Variants in KANTR observed in about 807,000 individuals in gnomAD.
KANTR encodes KDM5C adjacent transcript.
chrX:53,114,801 G>T (rs1933098123), intron 2 of KANTR, among the ~76,000 whole-genome samples: 1 of 111,845 alleles, frequency 8.9e-6, no homozygotes, highest in Admixed American at 9.4e-5. Context: ...ATGGGGGCTG[G>T]CCTGGATCCT....
downstream of KANTR, among the ~76,000 whole-genome samples, chrX:53,146,854 A>T (rs1933583890): frequency 8.9e-6 from 1 of 111,861 alleles, no homozygotes; most frequent in African/African-American, 3.3e-5. Context: ...AGAATTTCAT[A>T]TTCAGCCAAA....
intron 2 of KANTR, among the ~76,000 whole-genome samples, chrX:53,105,641 C>T (rs1462113297): frequency 4.2e-5 from 4 of 94,678 alleles, no homozygotes; most frequent in Non-Finnish European, 6.3e-5. Context: ...AGGCACACAA[C>T]GACACACCTG....
chrX:53,111,795 C>T (rs782463786), intron 2 of KANTR, among the ~76,000 whole-genome samples: 2 of 110,883 alleles, frequency 1.8e-5, no homozygotes, highest in South Asian at 3.8e-4. Context: ...AACTAAAAAC[C>T]GTGGCTTCAG....
downstream of KANTR, among the ~76,000 whole-genome samples, chrX:53,144,953 A>G (rs1933552903): frequency 9.0e-6 from 1 of 111,194 alleles, no homozygotes; most frequent in Non-Finnish European, 1.9e-5. Flanking sequence ...TTTAATCCAT[A>G]TTGTACAGTA....
exon 3 of KANTR, chrX:53,124,560 A>ATT (rs1933269355): frequency 3.4e-6 from 1 of 295,247 alleles, no homozygotes; most frequent in Non-Finnish European, 5.9e-6. Flanking sequence ...TAATTTGTGC[A>ATT]TTTAAGGATA....
chrX:53,119,470 C>T (rs1246886619), intron 2 of KANTR, among the ~76,000 whole-genome samples: 1 of 111,428 alleles, frequency 9.0e-6, no homozygotes, highest in African/African-American at 3.3e-5. Context: ...GAGCTGGTTT[C>T]ATTATTTTCC....
At chrX:53,105,993 G>T (rs1385568409) in intron 2 of KANTR, among the ~76,000 whole-genome samples, 1 of 104,525 alleles carries the variant, frequency 9.6e-6, no homozygotes, top group African/African-American at 3.6e-5. Flanking sequence ...AAGTAGCTGG[G>T]ACTACAGGCG....
At chrX:53,124,066 T>TTGTG in exon 3 of KANTR, 2 of 251,591 alleles carry the variant, frequency 7.9e-6, no homozygotes, top group Non-Finnish European at 7.0e-6. Flanking sequence ...CTGCTATTTT[T>TTGTG]TGTTTGTTTG....
At chrX:53,110,649 G>A (rs1348531822) in intron 2 of KANTR, among the ~76,000 whole-genome samples, 1 of 112,145 alleles carries the variant, frequency 8.9e-6, no homozygotes, top group Non-Finnish European at 1.9e-5. Flanking sequence ...TTGGGGCCGG[G>A]CGCCGTGGCT....
intron 2 of KANTR, among the ~76,000 whole-genome samples, chrX:53,116,206 G>A (rs1253438877): frequency 8.9e-6 from 1 of 111,807 alleles, no homozygotes; most frequent in East Asian, 2.8e-4. Flanking sequence ...GTCAGCCAGT[G>A]ATTGGTCAGA....
intron 2 of KANTR, among the ~76,000 whole-genome samples, chrX:53,122,592 T>G (rs1421564975): frequency 1.8e-5 from 2 of 111,734 alleles, no homozygotes; most frequent in Non-Finnish European, 3.8e-5. Context: ...TTTTATCAGG[T>G]TAAGCAAGTT....
chrX:53,114,403 G>A (rs782322750), intron 2 of KANTR, among the ~76,000 whole-genome samples: 124 of 112,471 alleles, frequency 1.1e-3, no homozygotes, highest in Non-Finnish European at 1.7e-3. Context: ...ATCTGAAGAC[G>A]TGAAAACTCA....
intron 2 of KANTR, among the ~76,000 whole-genome samples, chrX:53,117,208 A>AGCG (rs1556814732): frequency 9.1e-6 from 1 of 109,514 alleles, no homozygotes; most frequent in Non-Finnish European, 1.9e-5. Context: ...CTTGAACCCA[A>AGCG]GAGGAGGTTG....
intron 2 of KANTR, among the ~76,000 whole-genome samples, chrX:53,141,242 G>T (rs1414595282): frequency 5.4e-5 from 6 of 112,100 alleles, no homozygotes; most frequent in African/African-American, 1.9e-4. Context: ...GAACGTCTTG[G>T]TCCAGTGCAA....
intron 2 of KANTR, among the ~76,000 whole-genome samples, chrX:53,114,470 C>T (rs993644494): frequency 3.6e-5 from 4 of 112,616 alleles, no homozygotes. Context: ...TCAGCCTGTC[C>T]AGAGATTCTG....
intron 2 of KANTR, among the ~76,000 whole-genome samples, chrX:53,112,153 C>G (rs1442955814): frequency 9.1e-6 from 1 of 109,928 alleles, no homozygotes; most frequent in Non-Finnish European, 1.9e-5. Context: ...TCCCCAAAGT[C>G]CATTGTGTCA....
At chrX:53,126,453 T>C (rs1365590089) in exon 3 of KANTR, 1 of 111,598 alleles carries the variant, frequency 9.0e-6, no homozygotes, top group African/African-American at 3.3e-5. Context: ...GCTTACTGAT[T>C]CTCTTTTCAA....
chrX:53,100,255 C>T (rs1001115846), intron 2 of KANTR, among the ~76,000 whole-genome samples: 14 of 109,698 alleles, frequency 1.3e-4, no homozygotes, highest in African/African-American at 4.0e-4. Flanking sequence ...CTGAGGCGGA[C>T]GGATCACCTG....
At chrX:53,108,079 C>T (rs1556813122) in intron 2 of KANTR, among the ~76,000 whole-genome samples, 6 of 109,761 alleles carry the variant, frequency 5.5e-5, no homozygotes, top group East Asian at 2.8e-4. Flanking sequence ...TTAGTAGAGA[C>T]GGGGTTGCAC....
Sources: gnomAD v4.1 joint callset for allele counts (sites outside exome capture counted in the v4.1 genomes callset) on GRCh38, gnomAD v4.1.1 for gene constraint, MANE v1.5 for transcripts, NCBI Gene and HGNC (gene_info 2026-07-23, HGNC 2026-07-21) for gene names.